The following SH3PXD2B variants were observed in gnomAD, a reference collection of about 807,000 sequenced individuals.
The protein encoded by SH3PXD2B is SH3 and PX domain-containing protein 2B.
SH3PXD2B carries 37 observed loss-of-function variants against 73.1 expected under a neutral mutation model. That is an observed-to-expected ratio of 0.51 (90% CI 0.39 to 0.67). SH3PXD2B has a LOEUF of 0.67. Ranked by LOEUF, SH3PXD2B falls within the 30% of genes least tolerant of loss-of-function variation. The probability of loss-of-function intolerance (pLI) is 0.00; values close to 1 mark genes in which losing one functional copy is unlikely to be tolerated. For synonymous variants in SH3PXD2B, 457 were observed against 480.5 expected, an observed-to-expected ratio of 0.95 and a Z score of 0.64; for missense variants, 1,053 against 1,197.8, an observed-to-expected ratio of 0.88 and a Z score of 1.78.
chr5:172,378,481 C>A (rs1326052286), intron 5 of SH3PXD2B, among the ~76,000 whole-genome samples: 2 of 152,150 alleles, frequency 1.3e-5, no homozygotes, highest in Admixed American at 1.3e-4. Flanking sequence ...AACTTGGATT[C>A]TCTAAGTGGT....
At chr5:172,346,583 C>T (rs1352867845) in intron 11 of SH3PXD2B, among the ~76,000 whole-genome samples, 1 of 152,106 alleles carries the variant, frequency 6.6e-6, no homozygotes, top group Non-Finnish European at 1.5e-5. Flanking sequence ...GTAGATCTAT[C>T]TGGGTTGGAA....
chr5:172,434,360 C>T (rs1170022265), intron 1 of SH3PXD2B, among the ~76,000 whole-genome samples: 1 of 152,158 alleles, frequency 6.6e-6, no homozygotes, highest in Non-Finnish European at 1.5e-5. Flanking sequence ...TGCAAGCCCC[C>T]GGCACCCCTG....
chr5:172,406,130 G>A (rs1194914106), intron 3 of SH3PXD2B, 147 bp downstream of exon 3: 1 of 948,576 alleles, frequency 1.1e-6, no homozygotes, highest in Admixed American at 2.4e-5. Context: ...CGGCATAAAT[G>A]GGTTAATTTC....
Position 172,454,275 on chromosome 5 carries a change from C to T in SH3PXD2B, c.75+3G>A. 1 of 1,596,508 alleles carries T rather than the reference C, an allele frequency of 6.3e-7. No homozygotes were observed. Among genetic ancestry groups the T allele is most frequent in the Non-Finnish European group, 8.5e-7 (1 of 1,174,876 alleles). ...GGGGGCGTGGGGGCCGCGCCGCACT[C>T]ACATAATGCTTGTTGGGCACCCGCC... On this transcript the variant is annotated splice_donor_region_variant and intron_variant, in intron 1 of 12. Transcript: ENST00000311601.
In SH3PXD2B at chr5:172,338,929, A is replaced by G. The variant is rs536215420; in HGVS notation, c.2176T>C (p.Cys726Arg). The G allele has an allele frequency of 6.2e-7, 1 of 1,614,114 alleles. No homozygotes were observed. The highest frequency in any genetic ancestry group is 2.2e-5 in the East Asian group (1 of 44,884). ...TTGGCTGGCCTCGGAGGGGCTCTGC[A>G]GGAAATCTCTTTTGGGCTGAGACCA... is the stretch of plus-strand genomic sequence containing the variant. ...QDGLSPKEIS[C>R]RAPPRPAKTT... Residue 726 changes from cysteine (C) to arginine (R), a missense_variant, in exon 13 of 13, where the codon TGC becomes CGC. Physicochemically the swap from Cys to Arg is radical, Grantham distance 180. Transcript: ENST00000311601. This position sits in a 1 kb window ranked among gnomAD's most constrained non-coding sequence, Gnocchi z 5.1.
chr5:172,412,533 G>A (rs1581319030), intron 2 of SH3PXD2B, among the ~76,000 whole-genome samples: 2 of 152,140 alleles, frequency 1.3e-5, no homozygotes, highest in African/African-American at 4.8e-5. Flanking sequence ...CAATGTCAAC[G>A]GCCATCTGTG....
intron 1 of SH3PXD2B, among the ~76,000 whole-genome samples, chr5:172,422,873 G>A (rs1430960148): frequency 6.6e-6 from 1 of 152,154 alleles, no homozygotes; most frequent in Admixed American, 6.5e-5. Context: ...GAGAAGTCAC[G>A]GAGACGTGCA....
In SH3PXD2B at chr5:172,351,050, G is replaced by A. The variant is rs537330405; in HGVS notation, c.786-461C>T. On this transcript the variant is annotated intron_variant, in intron 9 of 12. Coordinates refer to ENST00000311601, the MANE Select transcript of SH3PXD2B (RefSeq NM_001017995.3). ...GGCAGCTGGCCATCACTAAACCGCA[G>A]AGTGATCGAGACCCTGACAGAGCAG... 5.9e-5 allele frequency among the ~76,000 whole-genome samples: 9 copies of A among 152,356 alleles called. No individual in the cohort carries two copies. The East Asian group carries it at 1.5e-3, about 26-fold the overall frequency.
chr5:172,400,220 C>T (rs533459141), intron 3 of SH3PXD2B, among the ~76,000 whole-genome samples: 20 of 152,194 alleles, frequency 1.3e-4, no homozygotes, highest in African/African-American at 3.9e-4. Flanking sequence ...GAAAACCATG[C>T]CCTAAAAATT....
chr5:172,364,097 G>A (rs907252330), intron 6 of SH3PXD2B, among the ~76,000 whole-genome samples: 2 of 152,138 alleles, frequency 1.3e-5, no homozygotes, highest in African/African-American at 2.4e-5. Context: ...TGTGGCCCTG[G>A]TTAAGCGCTA....
chr5:172,402,192 A>C (rs939582103), intron 3 of SH3PXD2B, among the ~76,000 whole-genome samples: 55 of 152,284 alleles, frequency 3.6e-4, no homozygotes, highest in African/African-American at 1.2e-3. Flanking sequence ...TTATGGTTGT[A>C]TGTAAGGGAT....
intron 7 of SH3PXD2B, 137 bp from the exon 8 acceptor site, chr5:172,359,014 C>T: frequency 1.2e-6 from 1 of 826,940 alleles, no homozygotes; most frequent in Non-Finnish European, 2.0e-6. Context: ...TGGTAGAACA[C>T]AACTACCAAT....
At chr5:172,351,778 A>C (rs908395039) in intron 9 of SH3PXD2B, among the ~76,000 whole-genome samples, 13 of 86,310 alleles carry the variant, frequency 1.5e-4, no homozygotes, top group African/African-American at 5.0e-4. Context: ...GTTTTAATGC[A>C]AAAAAAAAAA....
intron 5 of SH3PXD2B, among the ~76,000 whole-genome samples, chr5:172,375,107 C>T (rs995323302): frequency 1.3e-5 from 2 of 152,108 alleles, no homozygotes; most frequent in Admixed American, 1.3e-4. Flanking sequence ...GCCTGTAATC[C>T]CAGCACTTTG....
At position 172,384,050 on chromosome 5, in the gene SH3PXD2B, T is replaced by C. The variant is rs947384346; in HGVS notation, c.310-1923A>G. Reference sequence around the variant, plus strand: ...TTAGTAGAGATGGGGTTTCACCATGTTGGCCAGGATAGTCTCGATCTCCTG... The same window carrying C: ...TTAGTAGAGATGGGGTTTCACCATGCTGGCCAGGATAGTCTCGATCTCCTG... On this transcript the variant is annotated intron_variant, in intron 4 of 12. Transcript: ENST00000311601. 2.0e-5 allele frequency among the ~76,000 whole-genome samples: 3 copies of C among 152,108 alleles called. No homozygotes were observed. In the South Asian group the frequency reaches 6.2e-4, roughly 31 times the overall value.
At chr5:172,405,757 C>T (rs1758538592) in intron 3 of SH3PXD2B, among the ~76,000 whole-genome samples, 2 of 152,280 alleles carry the variant, frequency 1.3e-5, no homozygotes, top group Non-Finnish European at 1.5e-5. Flanking sequence ...TGAGGTAACA[C>T]ATGGGTGTTT....
At position 172,396,198 on chromosome 5, in the gene SH3PXD2B, C is replaced by CA. The variant is rs571850981; in HGVS notation, c.233-1560dup. Among the ~76,000 whole-genome samples, 491 of 78,378 alleles carry CA rather than the reference C, an allele frequency of 6.3e-3. 7 individuals are homozygous for CA. Among genetic ancestry groups the CA allele is most frequent in the Non-Finnish European group, 6.4e-3 (280 of 43,458 alleles). 51.4% of individuals were successfully genotyped at this position (78,378 alleles called of 152,430 possible). ...CAAAACTCTGTCTCTACTAAAAATACAAAAAAAAAAAAAAAAAAAAAAAAA... is the reference window on the plus strand; with the variant it reads ...CAAAACTCTGTCTCTACTAAAAATACAAAAAAAAAAAAAAAAAAAAAAAAAA... On this transcript the variant is annotated intron_variant, in intron 3 of 12. Transcript: ENST00000311601.
At position 172,353,300 on chromosome 5, in the gene SH3PXD2B, T is replaced by C. The variant is rs1260255349; in HGVS notation, c.785+588A>G. 6.6e-6 allele frequency among the ~76,000 whole-genome samples: 1 copy of C among 152,022 alleles called. No homozygotes were observed. The highest frequency in any genetic ancestry group is 1.5e-5 in the Non-Finnish European group (1 of 67,982). On this transcript the variant is annotated intron_variant, in intron 9 of 12. Coordinates refer to ENST00000311601, the MANE Select transcript of SH3PXD2B (RefSeq NM_001017995.3). This position sits in a 1 kb window ranked among gnomAD's most constrained non-coding sequence, Gnocchi z 4.3. ...ATTTCCCATGGTCACATCCTGCCTA[T>C]TGGGGGTGATCAAGGAGGGGTTCCC...
chr5:172,355,689 T>C (rs931869328), intron 8 of SH3PXD2B, among the ~76,000 whole-genome samples: 20 of 151,840 alleles, frequency 1.3e-4, no homozygotes, highest in Admixed American at 1.3e-4. Flanking sequence ...GGACTACAGG[T>C]GCCCGCCACC....
Sources: allele counts gnomAD v4.1 joint callset (sites outside exome capture counted in the v4.1 genomes callset), GRCh38; gene constraint gnomAD v4.1.1; non-coding constraint Gnocchi (gnomAD v3.1); transcripts MANE v1.5; gene names NCBI Gene and HGNC (gene_info 2026-07-23, HGNC 2026-07-21).